The following SORCS1 variants were observed in gnomAD, a reference collection of about 807,000 sequenced individuals.
The protein encoded by SORCS1 is VPS10 domain-containing receptor SorCS1.
Under a neutral mutation model 146.1 loss-of-function variants are expected in SORCS1, and 60 were observed. The observed-to-expected ratio is 0.41, with a 90% confidence interval of 0.33 to 0.51. The LOEUF is 0.51. SORCS1 is among the 20% of genes least tolerant of loss of function. SORCS1 has a pLI of 0.21. For synonymous variants in SORCS1, 637 were observed against 584.0 expected (o/e 1.09, Z -1.31); for missense variants, 1,352 against 1,487.6 (o/e 0.91, Z 1.50).
chr10:106,620,660 C>A, intron 19 of SORCS1, 99 bp from the exon 20 acceptor site: 1 of 1,415,798 alleles, frequency 7.1e-7, no homozygotes. Context: ...TTGAAGCCCC[C>A]AAAACCTGGC....
intron 11 of SORCS1, 95 bp from the exon 12 acceptor site, chr10:106,679,427 T>C: frequency 9.1e-7 from 1 of 1,101,368 alleles, no homozygotes; most frequent in Non-Finnish European, 1.3e-6. Context: ...AGATTTTGAC[T>C]GCAAGCATTC....
At chr10:106,622,289 GAAAAAAAAAA>G (rs554464573) in intron 19 of SORCS1, among the ~76,000 whole-genome samples, 36 of 39,054 alleles carry the variant, frequency 9.2e-4, no homozygotes, top group African/African-American at 1.8e-3. Context: ...ATTCCATCTC[GAAAAAAAAAA>G]AAAAAAAAAA....
At chr10:106,882,641 C>T (rs1950848313) in intron 2 of SORCS1, among the ~76,000 whole-genome samples, 1 of 152,026 alleles carries the variant, frequency 6.6e-6, no homozygotes, top group Admixed American at 6.6e-5. Context: ...GCTTTTTAAC[C>T]TGAGATTACA....
intron 18 of SORCS1, 25 bp downstream of exon 18, chr10:106,652,357 G>C (rs1376272317): frequency 6.4e-7 from 1 of 1,573,862 alleles, no homozygotes; most frequent in Admixed American, 1.7e-5. Flanking sequence ...CTAGAAAGTA[G>C]GGGGGAGATA....
chr10:107,008,533 G>C (rs1028990182), intron 1 of SORCS1, among the ~76,000 whole-genome samples: 1 of 152,162 alleles, frequency 6.6e-6, no homozygotes, highest in African/African-American at 2.4e-5. Context: ...CTCTAATATT[G>C]TCATTGAAAT....
chr10:107,177,175 T>C, the SORCS1 span, among the ~76,000 whole-genome samples: 2 of 152,214 alleles, frequency 1.3e-5, no homozygotes, highest in East Asian at 1.9e-4. Flanking sequence ...GTACTGTATT[T>C]ATTTTCCATT....
At chr10:106,924,531 G>A (rs1353122907) in intron 2 of SORCS1, among the ~76,000 whole-genome samples, 1 of 151,344 alleles carries the variant, frequency 6.6e-6, no homozygotes, top group African/African-American at 2.4e-5. Context: ...CATTGGGCAG[G>A]AGCTACTCCA....
At chr10:106,679,594 C>A in intron 11 of SORCS1, 38 bp downstream of exon 11, 1 of 1,512,464 alleles carries the variant, frequency 6.6e-7, no homozygotes, top group Non-Finnish European at 9.1e-7. Context: ...AAAATAAACA[C>A]TATTTACCAC....
At chr10:106,899,461 A>G (rs1338816072) in intron 2 of SORCS1, among the ~76,000 whole-genome samples, 1 of 152,200 alleles carries the variant, frequency 6.6e-6, no homozygotes, top group Non-Finnish European at 1.5e-5. Context: ...CCCCATGTGG[A>G]TAAGCTGCGG....
At position 106,669,166 on chromosome 10, in the gene SORCS1, C is replaced by A. The variant is rs115222952; in HGVS notation, c.2190-1364G>T. Among the ~76,000 whole-genome samples the A allele has an allele frequency of 5.1e-3, 778 of 151,954 alleles. 10 individuals are homozygous for A. Among genetic ancestry groups the A allele is most frequent in the African/African-American group, 0.018 (743 of 41,456 alleles). On this transcript the variant is annotated intron_variant, in intron 16 of 25. Coordinates refer to ENST00000263054, the MANE Select transcript of SORCS1 (RefSeq NM_052918.5). ...CCAAGACTAAGGGGCACGAGAGACA[C>A]GGGAGAGGAGAAATCTAATTGCCTT...
intron 1 of SORCS1, among the ~76,000 whole-genome samples, chr10:107,021,076 G>A (rs778478351): frequency 2.6e-5 from 4 of 151,848 alleles, no homozygotes; most frequent in Non-Finnish European, 5.9e-5. Context: ...ATAGGGTTTG[G>A]GTGCACACAT....
chr10:107,095,992 T>C (rs1372500036), intron 1 of SORCS1, among the ~76,000 whole-genome samples: 1 of 152,192 alleles, frequency 6.6e-6, no homozygotes, highest in Admixed American at 6.5e-5. Flanking sequence ...TTACAACTTA[T>C]CCAGGATTTT....
chr10:106,879,147 CAA>C (rs34140161), intron 2 of SORCS1, among the ~76,000 whole-genome samples: 15 of 135,898 alleles, frequency 1.1e-4, no homozygotes, highest in East Asian at 2.2e-4. Context: ...GAGACTCCAT[CAA>C]AAAAAAAAAA....
intron 5 of SORCS1, among the ~76,000 whole-genome samples, chr10:106,741,823 G>A (rs1239757550): frequency 1.3e-5 from 2 of 152,004 alleles, no homozygotes; most frequent in Non-Finnish European, 2.9e-5. Flanking sequence ...TGGCTTTTTT[G>A]CAGTCACTTG....
chr10:106,861,205 C>T lies in SORCS1; in HGVS notation c.627-31532G>A, dbSNP rs541866940. Among the ~76,000 whole-genome samples the T allele has an allele frequency of 1.2e-4, 19 of 152,128 alleles. No homozygotes were observed. In the South Asian group the frequency reaches 3.5e-3, roughly 28 times the overall value. ...CTGAGCTCAGGAGTTCGCAACCAGC[C>T]TGGGCAACAAGGTGAAACCTTGTCT... On this transcript the variant is annotated intron_variant, in intron 2 of 25. Coordinates refer to ENST00000263054, the MANE Select transcript of SORCS1 (RefSeq NM_052918.5).
At chr10:106,822,782 G>GTTT (rs1158921880) in intron 3 of SORCS1, among the ~76,000 whole-genome samples, 2,586 of 113,084 alleles carry the variant, frequency 0.023, 83 homozygotes, top group South Asian at 0.038. Flanking sequence ...TTCATGTGTG[G>GTTT]TTTTTTTTTT....
chr10:106,984,547 C>T (rs1172136842), intron 1 of SORCS1, among the ~76,000 whole-genome samples: 2 of 151,882 alleles, frequency 1.3e-5, no homozygotes, highest in African/African-American at 4.8e-5. Context: ...GTGCCCTCCA[C>T]CACGCCCAGC....
chr10:106,848,107 G>A (rs1369603877), intron 2 of SORCS1, among the ~76,000 whole-genome samples: 1 of 92,632 alleles, frequency 1.1e-5, no homozygotes. Context: ...AGGTCCGCTT[G>A]GTGCAGAGCT....
At chr10:106,995,187 G>A (rs565306978) in intron 1 of SORCS1, among the ~76,000 whole-genome samples, 4 of 152,028 alleles carry the variant, frequency 2.6e-5, no homozygotes, top group Admixed American at 6.6e-5. Flanking sequence ...GGTGGCGGGC[G>A]CCTGTAGTCC....
Sources: gnomAD v4.1 joint callset for allele counts (sites outside exome capture counted in the v4.1 genomes callset) on GRCh38, gnomAD v4.1.1 for gene constraint, MANE v1.5 for transcripts, NCBI Gene and HGNC (gene_info 2026-07-23, HGNC 2026-07-21) for gene names.